The following CCDC77 variants were observed in gnomAD, a reference collection of about 807,000 sequenced individuals.
CCDC77 encodes the protein coiled-coil domain containing 77.
CCDC77 carries 56 observed loss-of-function variants against 66.8 expected under a neutral mutation model. The observed-to-expected ratio is 0.84, with a 90% CI of 0.68 to 1.05. The LOEUF is 1.05. Among genes scored for constraint, CCDC77 ranks in the 50% least tolerant of loss-of-function variants. The pLI is 0.00. For synonymous variants in CCDC77, 196 were observed against 195.2 expected (o/e 1.00, Z -0.03); for missense variants, 570 against 576.8 (o/e 0.99, Z 0.12).
intron 2 of CCDC77, 59 bp downstream of exon 2, chr12:405,623 A>G (rs1012129001): frequency 4.6e-5 from 7 of 152,200 alleles, no homozygotes; most frequent in Admixed American, 2.6e-4. Context: ...AAGATGGCGT[A>G]TTTGAAGGGT....
chr12:409,411 G>C lies in CCDC77; in HGVS notation c.28G>C (p.Val10Leu). The change falls in exon 3 of 13, where the codon GTC becomes CTC. Residue 10 changes from valine to leucine, a missense_variant. Transcript: ENST00000239830. MNFTPTHTP[V>L]CRKRTVVSKR... ...GAACTTTACCCCAACACACACCCCTGTCTGCAGAAAGTAAGACATTTGCTT... is the reference window on the plus strand; with the variant it reads ...GAACTTTACCCCAACACACACCCCTCTCTGCAGAAAGTAAGACATTTGCTT... 3 of 1,613,250 alleles carry C rather than the reference G, an allele frequency of 1.9e-6. No homozygotes were observed. Among genetic ancestry groups the C allele is most frequent in the Non-Finnish European group, 2.5e-6 (3 of 1,179,786 alleles).
At chr12:418,978 C>T (rs1467930537) in intron 5 of CCDC77, 6 of 218,170 alleles carry the variant, frequency 2.8e-5, no homozygotes, top group African/African-American at 1.1e-4. Flanking sequence ...GGATTACAAG[C>T]GTGAACCACC....
intron 5 of CCDC77, among the ~76,000 whole-genome samples, chr12:427,987 C>T (rs1159654410): frequency 6.6e-6 from 1 of 152,114 alleles, no homozygotes; most frequent in Non-Finnish European, 1.5e-5. Context: ...ATATCCTGAA[C>T]TGAGCAAGGG....
At chr12:406,381 C>CAGCAAA (rs1194019810) in intron 2 of CCDC77, among the ~76,000 whole-genome samples, 1 of 152,078 alleles carries the variant, frequency 6.6e-6, no homozygotes, top group African/African-American at 2.4e-5. Flanking sequence ...ACTGTAGGTA[C>CAGCAAA]GGGGACTCTG....
At position 427,201 on chromosome 12, in the gene CCDC77, T is replaced by C. The variant is rs142417595; in HGVS notation, c.414-1568T>C. Among the ~76,000 whole-genome samples, 47 of 151,510 alleles carry C rather than the reference T, an allele frequency of 3.1e-4. No homozygotes were observed. The South Asian group carries it at 4.8e-3, about 16-fold the overall frequency. ...CGGAGGTTGCGGTGAGCTGAGATCA[T>C]GCCATTGCACTCCAGCCTGGGCGAC... On this transcript the variant is annotated intron_variant, in intron 5 of 12. Coordinates refer to ENST00000239830, the MANE Select transcript of CCDC77 (RefSeq NM_032358.4).
At chr12:431,088 G>C (rs896735391) in intron 7 of CCDC77, among the ~76,000 whole-genome samples, 5 of 132,078 alleles carry the variant, frequency 3.8e-5, no homozygotes, top group Non-Finnish European at 8.2e-5. Context: ...AAAAAAAACA[G>C]AACACACAAT....
At chr12:424,594 G>T (rs999973837) in intron 5 of CCDC77, among the ~76,000 whole-genome samples, 3 of 151,986 alleles carry the variant, frequency 2.0e-5, no homozygotes, top group Non-Finnish European at 4.4e-5. Flanking sequence ...CTCCCAAAGT[G>T]CTAGGATTAC....
intron 6 of CCDC77, 110 bp downstream of exon 6, chr12:428,975 C>A: frequency 1.6e-6 from 1 of 617,910 alleles, no homozygotes; most frequent in Non-Finnish European, 2.8e-6. Flanking sequence ...GGAGAATTAG[C>A]CATCACAGTG....
intron 5 of CCDC77, among the ~76,000 whole-genome samples, 170 bp from the exon 6 acceptor site, chr12:428,599 G>A (rs1195617578): frequency 2.0e-5 from 3 of 148,254 alleles, no homozygotes; most frequent in Non-Finnish European, 4.5e-5. Flanking sequence ...GTTTTACGAA[G>A]TAGAGCTGAA....
intron 2 of CCDC77, among the ~76,000 whole-genome samples, chr12:407,703 G>A (rs998931645): frequency 4.0e-5 from 6 of 151,502 alleles, no homozygotes; most frequent in African/African-American, 1.5e-4. Flanking sequence ...TTCTGAGCAG[G>A]AAAATGGTAT....
chr12:418,081 G>T (rs1945320558), intron 4 of CCDC77, among the ~76,000 whole-genome samples: 1 of 152,302 alleles, frequency 6.6e-6, no homozygotes, highest in East Asian at 1.9e-4. Flanking sequence ...TACTTTGGGA[G>T]ACTGAGGCGG....
intron 4 of CCDC77, among the ~76,000 whole-genome samples, chr12:413,344 C>G (rs1412344960): frequency 5.9e-5 from 9 of 151,310 alleles, no homozygotes; most frequent in African/African-American, 2.2e-4. Flanking sequence ...TCACGCCATT[C>G]TCCTGCCTCA....
chr12:412,014 G>A (rs756518054), intron 4 of CCDC77, 36 bp downstream of exon 4: 3 of 1,479,472 alleles, frequency 2.0e-6, no homozygotes, highest in African/African-American at 1.4e-5. Context: ...GAACTCTGAT[G>A]GAGTCTTCAT....
chr12:440,701 C>T lies in CCDC77; in HGVS notation c.1126C>T (p.Arg376Ter), dbSNP rs764931967. Residue 376 changes from arginine (R) to a stop codon, truncating the protein, a stop_gained, in exon 11 of 13, where the codon CGA (arginine) becomes TGA (stop). Coordinates refer to ENST00000239830, the MANE Select transcript of CCDC77 (RefSeq NM_032358.4). LOFTEE classifies it high-confidence loss of function. ...QCISLEEELA[R>*]IREEEGMRRE... Reference sequence around the variant, plus strand: ...CATTTCCTTAGAAGAAGAACTTGCCCGAATTCGTGAGGAAGAGGGAATGAG... The same window carrying T: ...CATTTCCTTAGAAGAAGAACTTGCCTGAATTCGTGAGGAAGAGGGAATGAG... The T allele has an allele frequency of 9.4e-5, 152 of 1,613,924 alleles. 2 individuals are homozygous for T. Among genetic ancestry groups the T allele is most frequent in the Non-Finnish European group, 1.2e-4 (137 of 1,180,028 alleles).
At chr12:411,675 T>C in intron 3 of CCDC77, 72 bp from the exon 4 acceptor site, 1 of 1,280,826 alleles carries the variant, frequency 7.8e-7, no homozygotes, top group South Asian at 1.4e-5. Context: ...CAAAACCCCC[T>C]TTTATTTAGG....
At position 411,794 on chromosome 12, in the gene CCDC77, A is replaced by G; in HGVS notation, c.86A>G (p.Lys29Arg). 1.2e-6 allele frequency: 2 copies of G among 1,614,148 alleles called. No individual in the cohort carries two copies. The highest frequency in any genetic ancestry group is 1.7e-6 in the Non-Finnish European group (2 of 1,180,020). ...GGTGTTGCCGTCAGTGGTCCCACCAAGAGGAGGGGAATGGCAGATTCACTG... is the reference window on the plus strand; with the variant it reads ...GGTGTTGCCGTCAGTGGTCCCACCAGGAGGAGGGGAATGGCAGATTCACTG... ...KRGVAVSGPTKRRGMADSLES... is the reference protein window; with the variant it reads ...KRGVAVSGPTRRRGMADSLES... The change falls in exon 4 of 13, where the codon AAG (lysine) becomes AGG (arginine). Residue 29 changes from lysine (K) to arginine (R), a missense_variant. By Grantham distance (26) the Lys-to-Arg change is conservative. Coordinates refer to ENST00000239830, the MANE Select transcript of CCDC77 (RefSeq NM_032358.4).
chr12:412,569 C>A (rs983856894), intron 4 of CCDC77, among the ~76,000 whole-genome samples: 6 of 152,196 alleles, frequency 3.9e-5, no homozygotes, highest in African/African-American at 1.4e-4. Flanking sequence ...CCTCTACCCG[C>A]TGGATGCCAG....
rs139137810 is a variant in CCDC77, at chr12:440,906, G to C, written c.1230G>C (p.Glu410Asp). 1.9e-6 allele frequency: 3 copies of C among 1,613,712 alleles called. No individual in the cohort carries two copies. In the African/African-American group the frequency reaches 4.0e-5, roughly 22 times the overall value. The change falls in exon 12 of 13, where the codon GAG becomes GAC. Residue 410 changes from glutamate to aspartate, a missense_variant. Coordinates refer to ENST00000239830, the MANE Select transcript of CCDC77 (RefSeq NM_032358.4). ...TGACAAAACGCTATGAGGCATTGGA[G>C]CGTCGACGTATCCTGGAAGTAGAAG... ...QIMTKRYEAL[E>D]RRRILEVEGF...
chr12:412,197 T>A (rs1021110396), intron 4 of CCDC77, among the ~76,000 whole-genome samples: 4 of 152,218 alleles, frequency 2.6e-5, no homozygotes, highest in African/African-American at 9.6e-5. Flanking sequence ...ATATCTCTTA[T>A]ACCTAGTTCT....
Sources: allele counts gnomAD v4.1 joint callset (sites outside exome capture counted in the v4.1 genomes callset), GRCh38; gene constraint gnomAD v4.1.1; transcripts MANE v1.5; gene names NCBI Gene and HGNC (gene_info 2026-07-23, HGNC 2026-07-21).